PODXL: variants seen among roughly 807,000 people sequenced by gnomAD.
The protein encoded by PODXL is podocalyxin like, also known as podocalyxin.
Under a neutral mutation model 48.9 loss-of-function variants are expected in PODXL, and 20 were observed. That is an observed-to-expected ratio of 0.41 (90% CI 0.29 to 0.59). PODXL has a LOEUF of 0.59. Among genes scored for constraint, PODXL ranks in the 20% least tolerant of loss-of-function variants. The pLI is 0.31. For synonymous variants in PODXL, 295 were observed against 287.4 expected, an observed-to-expected ratio of 1.03 and a Z score of -0.27; for missense variants, 606 against 675.1, an observed-to-expected ratio of 0.90 and a Z score of 1.13.
chr7:131,509,676 G>T, intron 3 of PODXL, 91 bp from the exon 4 acceptor site: 2 of 911,770 alleles, frequency 2.2e-6, no homozygotes, highest in East Asian at 2.6e-5. Context: ...GTTTTCCCAG[G>T]TTCTTTGGTC....
At position 131,556,588 on chromosome 7, in the gene PODXL, G is replaced by GGCT; in HGVS notation, c.-232_-230dup. 2.7e-6 allele frequency: 1 copy of GGCT among 372,578 alleles called. No homozygotes were observed. The highest frequency in any genetic ancestry group is 5.1e-5 in the East Asian group (1 of 19,774). The allele number at this position is 372,578 out of a possible 1,614,324, so 23.1% of individuals were successfully genotyped here. A position where few individuals can be genotyped will look rare whatever the true frequency, so the allele number is the denominator to read the frequency against. On this transcript the variant is annotated 5_prime_UTR_variant, in exon 1 of 9. Transcript: ENST00000378555. ...GTGGCAGAGGAGCGGCGGCGGCGGC[G>GGCT]GCTGCGTCCTGGGCGGCGTCTGCGC...
At chr7:131,505,760 G>C in intron 8 of PODXL, 108 bp downstream of exon 8, 1 of 1,111,830 alleles carries the variant, frequency 9.0e-7, no homozygotes, top group East Asian at 2.6e-5. Flanking sequence ...TGTTAGAAAG[G>C]GTCCAGGGCC....
chr7:131,538,257 C>T (rs1357941689), intron 1 of PODXL, among the ~76,000 whole-genome samples: 1 of 152,176 alleles, frequency 6.6e-6, no homozygotes, highest in African/African-American at 2.4e-5. Flanking sequence ...TTGTGTGTCC[C>T]AGACCCATTC....
At chr7:131,507,519 G>A (rs536884483) in intron 5 of PODXL, among the ~76,000 whole-genome samples, 1 of 152,266 alleles carries the variant, frequency 6.6e-6, no homozygotes, top group East Asian at 1.9e-4. Flanking sequence ...AAATGACTAA[G>A]ACAAAGAAAA....
intron 1 of PODXL, among the ~76,000 whole-genome samples, chr7:131,528,490 CCT>C (rs1798222902): frequency 1.3e-5 from 2 of 152,142 alleles, no homozygotes; most frequent in African/African-American, 4.8e-5. Context: ...GGATCCAGCC[CCT>C]GAGTTCCTGA....
chr7:131,525,026 C>A (rs1798157724), intron 1 of PODXL, among the ~76,000 whole-genome samples: 1 of 152,002 alleles, frequency 6.6e-6, no homozygotes, highest in Admixed American at 6.6e-5. Flanking sequence ...ATGGAAAGGG[C>A]AAAATGATAG....
At position 131,506,193 on chromosome 7, in the gene PODXL, G is replaced by A. The variant is rs1797798173; in HGVS notation, c.1311+67C>T. On this transcript the variant is annotated intron_variant, in intron 7 of 8. Coordinates refer to ENST00000378555, the MANE Select transcript of PODXL (RefSeq NM_001018111.3). ...CGGGGTTCCTCCCCACAGAGAGAGG[G>A]GAGTAACCAGACCTCCCACAAGGGG... 5.1e-6 allele frequency: 8 copies of A among 1,578,082 alleles called. No homozygotes were observed. The South Asian group carries it at 5.5e-5, about 11-fold the overall frequency.
chr7:131,523,325 C>A (rs1798118410), intron 1 of PODXL, among the ~76,000 whole-genome samples: 1 of 152,166 alleles, frequency 6.6e-6, no homozygotes, highest in African/African-American at 2.4e-5. Context: ...TGAGGCTCAT[C>A]ATGGACAGTT....
intron 1 of PODXL, among the ~76,000 whole-genome samples, chr7:131,512,015 G>C (rs1004845281): frequency 1.6e-4 from 25 of 152,190 alleles, no homozygotes; most frequent in African/African-American, 6.0e-4. Context: ...AATGCTTCCT[G>C]AACTGCCCTG....
At chr7:131,548,506 G>A (rs1798618591) in intron 1 of PODXL, among the ~76,000 whole-genome samples, 1 of 152,346 alleles carries the variant, frequency 6.6e-6, no homozygotes, top group East Asian at 1.9e-4. Flanking sequence ...ACACTCTAAA[G>A]AGGAGCCACA....
In PODXL at chr7:131,500,672, A is replaced by G. The variant is rs15894; in HGVS notation, c.*3639T>C. On this transcript the variant is annotated 3_prime_UTR_variant, in exon 9 of 9. Coordinates refer to ENST00000378555, the MANE Select transcript of PODXL (RefSeq NM_001018111.3). ...TCCAAAACTTTGTTTCTTGGCAGAA[A>G]GAAAGAATTGTTCACTTACATCTTA... The G allele has an allele frequency of 6.6e-6, 1 of 152,216 alleles. No individual in the cohort carries two copies. Among genetic ancestry groups the G allele is most frequent in the African/African-American group, 2.4e-5 (1 of 41,438 alleles). 9.4% of individuals were successfully genotyped at this position (152,216 alleles called of 1,614,324 possible).
At chr7:131,554,357 A>C (rs771271900) in intron 1 of PODXL, among the ~76,000 whole-genome samples, 4 of 152,202 alleles carry the variant, frequency 2.6e-5, no homozygotes, top group African/African-American at 7.2e-5. Flanking sequence ...AGCACTTTGC[A>C]CTTTTCTAAG....
intron 1 of PODXL, among the ~76,000 whole-genome samples, chr7:131,551,509 T>C (rs1238915314): frequency 6.6e-6 from 1 of 152,190 alleles, no homozygotes; most frequent in Non-Finnish European, 1.5e-5. Context: ...AAAGCTTGCA[T>C]TCAGCAGCCC....
chr7:131,550,640 C>A (rs1559021), intron 1 of PODXL, among the ~76,000 whole-genome samples: 129,803 of 151,516 alleles, frequency 0.86, 55,936 homozygotes, highest in Non-Finnish European at 0.9. Flanking sequence ...CATCTCAGAA[C>A]AAAAAGAAGT....
At chr7:131,524,379 C>CACACACACAGAG (rs746255906) in intron 1 of PODXL, among the ~76,000 whole-genome samples, 11 of 104,052 alleles carry the variant, frequency 1.1e-4, no homozygotes, top group African/African-American at 3.1e-4. Context: ...CACACACACA[C>CACACACACAGAG]AGAGAGAGAG....
chr7:131,519,540 T>C (rs1021109814), intron 1 of PODXL, among the ~76,000 whole-genome samples: 2 of 151,862 alleles, frequency 1.3e-5, no homozygotes, highest in African/African-American at 2.4e-5. Flanking sequence ...AAATCAAAAA[T>C]TGTTTTTTTT....
chr7:131,546,959 C>T (rs1168944258), intron 1 of PODXL, among the ~76,000 whole-genome samples: 1 of 152,154 alleles, frequency 6.6e-6, no homozygotes, highest in East Asian at 1.9e-4. Flanking sequence ...TGGGGAAGGG[C>T]CTTGAAGAAG....
chr7:131,542,078 C>G (rs1798492034), intron 1 of PODXL, among the ~76,000 whole-genome samples: 1 of 152,156 alleles, frequency 6.6e-6, no homozygotes, highest in East Asian at 1.9e-4. Flanking sequence ...AAACTGGGAG[C>G]AAAATATTTC....
At chr7:131,516,936 T>A (rs1378241623) in intron 1 of PODXL, among the ~76,000 whole-genome samples, 1 of 152,010 alleles carries the variant, frequency 6.6e-6, no homozygotes, top group African/African-American at 2.4e-5. Context: ...CCCAGGCTGG[T>A]CTCGAACTCC....
Sources: gnomAD v4.1 joint callset for allele counts (sites outside exome capture counted in the v4.1 genomes callset) on GRCh38, gnomAD v4.1.1 for gene constraint, MANE v1.5 for transcripts, NCBI Gene and HGNC (gene_info 2026-07-23, HGNC 2026-07-21) for gene names.